The following CNKSR3 variants were observed in gnomAD, a reference collection of about 807,000 sequenced individuals.
CNKSR3 encodes the protein connector enhancer of kinase suppressor of ras 3.
CNKSR3 carries 36 observed loss-of-function variants against 67.7 expected under a neutral mutation model. The observed-to-expected ratio is 0.53, with a 90% confidence interval of 0.41 to 0.70. The LOEUF is 0.70. Ranked by LOEUF, CNKSR3 falls within the 30% of genes least tolerant of loss-of-function variation. CNKSR3 has a pLI of 0.00. For synonymous variants in CNKSR3, 281 were observed against 271.4 expected (o/e 1.04, Z -0.35); for missense variants, 630 against 695.2 (o/e 0.91, Z 1.05).
At chr6:154,502,743 A>AGTG (rs1204403639) in intron 1 of CNKSR3, among the ~76,000 whole-genome samples, 1 of 152,242 alleles carries the variant, frequency 6.6e-6, no homozygotes, top group African/African-American at 2.4e-5. Flanking sequence ...AAGTGCCCTC[A>AGTG]GAGCTCATGA....
In CNKSR3 at chr6:154,510,260, GC is replaced by G. The variant is rs2114669697; in HGVS notation, c.-147del. 1.2e-6 allele frequency: 1 copy of G among 844,042 alleles called. No homozygotes were observed. Among genetic ancestry groups the G allele is most frequent in the Non-Finnish European group, 1.9e-6 (1 of 532,880 alleles). 52.3% of individuals were successfully genotyped at this position (844,042 alleles called of 1,614,324 possible). ...CGTCAAGACTGCATGGCCGCGGTCA[GC>G]CAGTCGTCCCAGCGCGGCTCCGCCA... On this transcript the variant is annotated 5_prime_UTR_variant, in exon 1 of 13. Transcript: ENST00000607772.
intron 9 of CNKSR3, among the ~76,000 whole-genome samples, chr6:154,420,447 TGG>T (rs932138196): frequency 2.0e-5 from 3 of 151,956 alleles, no homozygotes; most frequent in Admixed American, 1.3e-4. Context: ...CCCAGCACTT[TGG>T]GAGGCCGAGG....
intron 1 of CNKSR3, among the ~76,000 whole-genome samples, chr6:154,505,498 T>TA (rs113309289): frequency 2.1e-3 from 164 of 77,258 alleles, no homozygotes; most frequent in African/African-American, 5.1e-3. Flanking sequence ...TTATTATTAT[T>TA]TTTTTTTTTT....
At chr6:154,468,427 CACACA>C (rs1786255348) in intron 1 of CNKSR3, among the ~76,000 whole-genome samples, 1 of 151,044 alleles carries the variant, frequency 6.6e-6, no homozygotes, top group Non-Finnish European at 1.5e-5. Flanking sequence ...CACACACACA[CACACA>C]CCATGACCAT....
intron 12 of CNKSR3, among the ~76,000 whole-genome samples, chr6:154,409,634 C>T (rs780623515): frequency 3.9e-5 from 6 of 152,172 alleles, no homozygotes; most frequent in Admixed American, 6.5e-5. Flanking sequence ...GGGAGGATCA[C>T]TTGAACCCAG....
chr6:154,466,915 C>T (rs948543827), intron 1 of CNKSR3, among the ~76,000 whole-genome samples: 3 of 151,808 alleles, frequency 2.0e-5, no homozygotes, highest in Admixed American at 1.3e-4. Flanking sequence ...GTGAGCTCAG[C>T]CCACCTGTAT....
chr6:154,422,723 T>G, intron 8 of CNKSR3, 71 bp from the exon 9 acceptor site: 1 of 1,534,830 alleles, frequency 6.5e-7, no homozygotes, highest in Non-Finnish European at 9.0e-7. Context: ...TATGAATTTA[T>G]CTCAGGGCAG....
rs1007524047 is a variant in CNKSR3, at chr6:154,505,505, T to A, written c.52+4558A>T. Among the ~76,000 whole-genome samples the A allele has an allele frequency of 8.0e-4, 118 of 146,778 alleles. 6 individuals carry two copies. In the East Asian group the frequency reaches 0.015, roughly 18 times the overall value. The stretch of plus-strand genomic sequence containing the variant: ...TTTTATTATTATTATTATTTTTTTT[T>A]TTTTTTTTTTGAGACAGAGTCTCAC... On this transcript the variant is annotated intron_variant, in intron 1 of 12. Transcript: ENST00000607772.
chr6:154,444,992 T>C (rs894052595), intron 2 of CNKSR3, among the ~76,000 whole-genome samples: 1 of 151,714 alleles, frequency 6.6e-6, no homozygotes, highest in African/African-American at 2.4e-5. Context: ...AAAGCATAAA[T>C]ATACTCGGAA....
intron 1 of CNKSR3, among the ~76,000 whole-genome samples, chr6:154,481,389 C>T (rs1562352770): frequency 6.7e-6 from 1 of 149,564 alleles, no homozygotes; most frequent in Non-Finnish European, 1.5e-5. Context: ...TATGTATTTG[C>T]TTATTTATTT....
chr6:154,501,172 A>C (rs1045450137), intron 1 of CNKSR3, among the ~76,000 whole-genome samples: 2 of 152,174 alleles, frequency 1.3e-5, no homozygotes, highest in South Asian at 4.1e-4. Context: ...TGAGATTGGA[A>C]GCTGTCAATG....
intron 1 of CNKSR3, among the ~76,000 whole-genome samples, chr6:154,468,425 CA>C (rs1490407510): frequency 1.3e-5 from 2 of 151,176 alleles, no homozygotes; most frequent in Non-Finnish European, 1.5e-5. Context: ...CACACACACA[CA>C]CACACACCAT....
chr6:154,478,886 A>G (rs1378199781), intron 1 of CNKSR3, among the ~76,000 whole-genome samples: 1 of 152,236 alleles, frequency 6.6e-6, no homozygotes, highest in African/African-American at 2.4e-5. Context: ...CAAGACACTT[A>G]AAGGCTTGCT....
Position 154,402,270 on chromosome 6 carries a change from TCACAACAAAGA to T in CNKSR3, c.*4073_*4083del, listed in dbSNP as rs1321424499. ...ACACAAGCCCTGCAGCTTACAGCCC[TCACAACAAAGA>T]GCTGACTCATCAACACAACTTTCAA... is the stretch of plus-strand genomic sequence containing the variant. On this transcript the variant is annotated 3_prime_UTR_variant, in exon 13 of 13. Transcript: ENST00000607772. 1 of 152,198 alleles carries T rather than the reference TCACAACAAAGA, an allele frequency of 6.6e-6. No individual in the cohort carries two copies. The highest frequency in any genetic ancestry group is 1.5e-5 in the Non-Finnish European group (1 of 68,046). 9.4% of individuals were successfully genotyped at this position (152,198 alleles called of 1,614,324 possible).
In CNKSR3 at chr6:154,398,835, A is replaced by T. The variant is rs1784687264; in HGVS notation, c.*7519T>A. On this transcript the variant is annotated 3_prime_UTR_variant, in exon 13 of 13. Coordinates refer to ENST00000607772, the MANE Select transcript of CNKSR3 (RefSeq NM_173515.4). ...AGTGGCTCACGCCTGTAATCCCAAC[A>T]CTTTGGGAGGCTGAGGTGAGCGGAT... The T allele has an allele frequency of 6.6e-6, 1 of 152,214 alleles. No homozygotes were observed. Among genetic ancestry groups the T allele is most frequent in the African/African-American group, 2.4e-5 (1 of 41,454 alleles). The allele number at this position is 152,214 out of a possible 1,614,324, so 9.4% of individuals were successfully genotyped here. A position where few individuals can be genotyped will look rare whatever the true frequency, so the allele number is the denominator to read the frequency against.
intron 1 of CNKSR3, among the ~76,000 whole-genome samples, chr6:154,462,298 T>G (rs1479154221): frequency 1.4e-5 from 2 of 145,074 alleles, no homozygotes; most frequent in Non-Finnish European, 3.0e-5. Context: ...TTCTTTCCGG[T>G]GAACCTGTCT....
intron 1 of CNKSR3, among the ~76,000 whole-genome samples, chr6:154,467,327 G>T (rs572011389): frequency 6.6e-6 from 1 of 152,242 alleles, no homozygotes; most frequent in South Asian, 2.1e-4. Flanking sequence ...CCAAAACAAA[G>T]AATTTATTCC....
At chr6:154,449,572 G>A (rs1003291048) in intron 2 of CNKSR3, among the ~76,000 whole-genome samples, 11 of 152,172 alleles carry the variant, frequency 7.2e-5, no homozygotes, top group Non-Finnish European at 1.5e-5. Context: ...CAATCCACCC[G>A]CCTCGGCCTC....
chr6:154,489,474 T>C (rs1052079574), intron 1 of CNKSR3, among the ~76,000 whole-genome samples: 11 of 151,880 alleles, frequency 7.2e-5, no homozygotes, highest in African/African-American at 2.2e-4. Flanking sequence ...GAGGTTGCAG[T>C]AAGCCGAGAT....
Sources: gnomAD v4.1 joint callset for allele counts (sites outside exome capture counted in the v4.1 genomes callset) on GRCh38, gnomAD v4.1.1 for gene constraint, MANE v1.5 for transcripts, NCBI Gene and HGNC (gene_info 2026-07-23, HGNC 2026-07-21) for gene names.